Variants in SEC63 observed in about 807,000 individuals in gnomAD.
The protein encoded by SEC63 is SEC63 protein translocation regulator, also known as translocation protein SEC63 homolog.
Under a neutral mutation model 116.2 loss-of-function variants are expected in SEC63, and 56 were observed. The observed-to-expected ratio is 0.48, with a 90% CI of 0.39 to 0.60. SEC63 has a LOEUF of 0.60. Ranked by LOEUF, SEC63 falls within the 20% of genes least tolerant of loss-of-function variation. The pLI, the probability that SEC63 is intolerant of heterozygous loss-of-function variation, is 0.00. For synonymous variants in SEC63, 273 were observed against 294.6 expected (o/e 0.93, Z 0.75); for missense variants, 668 against 900.0 (o/e 0.74, Z 3.30).
At chr6:107,953,070 G>T (rs1770613005) in intron 1 of SEC63, among the ~76,000 whole-genome samples, 1 of 152,168 alleles carries the variant, frequency 6.6e-6, no homozygotes, top group African/African-American at 2.4e-5. Flanking sequence ...GACCAGCCTG[G>T]CCAACATGGT....
chr6:107,906,210 T>C (rs1787145094), intron 10 of SEC63, among the ~76,000 whole-genome samples: 1 of 152,218 alleles, frequency 6.6e-6, no homozygotes, highest in Admixed American at 6.5e-5. Flanking sequence ...TGCTCTGCCT[T>C]TGCCTGCTCT....
chr6:107,908,584 C>G (rs1241790416), intron 8 of SEC63, among the ~76,000 whole-genome samples: 2 of 152,054 alleles, frequency 1.3e-5, no homozygotes, highest in East Asian at 3.9e-4. Flanking sequence ...CACTCACTTA[C>G]GAGAACACAG....
In SEC63 at chr6:107,929,469, A is replaced by C. The variant is rs1351053749; in HGVS notation, c.170T>G (p.Met57Arg). ...TTTTAATAACCGTAAACGATACCAC[A>C]TACACCTTCCATATACTTTTCTGAT... Reference protein sequence around the residue: ...KNIRKVYGRCMWYRLRLLKPQ... With the variant: ...KNIRKVYGRCRWYRLRLLKPQ... Residue 57 changes from methionine to arginine, a missense_variant, in exon 2 of 21, where the codon ATG becomes AGG. Around this residue, in one of 5 missense-constraint regions of SEC63, gnomAD observed 142 missense variants for 169.5 expected, o/e 0.84. Coordinates refer to ENST00000369002, the MANE Select transcript of SEC63 (RefSeq NM_007214.5). 3 of 1,601,016 alleles carry C rather than the reference A, an allele frequency of 1.9e-6. No homozygotes were observed. In the African/African-American group the frequency reaches 4.0e-5, roughly 21 times the overall value.
intron 4 of SEC63, among the ~76,000 whole-genome samples, chr6:107,921,002 G>A (rs1787543568): frequency 6.6e-6 from 1 of 152,092 alleles, no homozygotes; most frequent in Non-Finnish European, 1.5e-5. Flanking sequence ...TCTGAGCAGT[G>A]AAAAAGGAGA....
chr6:107,945,593 C>T (rs1410868133), intron 1 of SEC63, among the ~76,000 whole-genome samples: 1 of 151,848 alleles, frequency 6.6e-6, no homozygotes, highest in Non-Finnish European at 1.5e-5. Context: ...CGTGAGCCAC[C>T]GAGCCCAGCC....
At chr6:107,911,039 A>G (rs1199103522) in intron 7 of SEC63, 5 of 340,366 alleles carry the variant, frequency 1.5e-5, no homozygotes, top group Non-Finnish European at 2.2e-5. Flanking sequence ...AATTGGGAGG[A>G]TATACACATC....
rs182711678 is a variant in SEC63 at position 107,883,243 on chromosome 6, T to G, written c.1675-97A>C. ...TAACTTATTGTCAATTTAACTAAAC[T>G]GACTCGATGACAATTTCACTATTCA... is the stretch of plus-strand genomic sequence containing the variant. On this transcript the variant is annotated intron_variant, in intron 16 of 20. Transcript: ENST00000369002. 9.8e-6 allele frequency: 14 copies of G among 1,429,498 alleles called. No homozygotes were observed. The Admixed American group carries it at 2.1e-4, about 21-fold the overall frequency. 88.6% of individuals were successfully genotyped at this position (1,429,498 alleles called of 1,614,324 possible). A position where few individuals can be genotyped will look rare whatever the true frequency, so the allele number is the denominator to read the frequency against.
chr6:107,896,501 G>A (rs1034398884), intron 14 of SEC63, among the ~76,000 whole-genome samples: 5 of 152,060 alleles, frequency 3.3e-5, no homozygotes, highest in Non-Finnish European at 5.9e-5. Flanking sequence ...TATGCAAAAT[G>A]ATTGGACTGG....
intron 8 of SEC63, 51 bp from the exon 9 acceptor site, chr6:107,906,828 T>C: frequency 1.5e-6 from 2 of 1,334,242 alleles, no homozygotes; most frequent in Non-Finnish European, 1.1e-6. Context: ...CATTCATTAA[T>C]TCCCCCTCCT....
Position 107,871,761 on chromosome 6 carries a change from A to G in SEC63, c.2226T>C (p.Ser742=), listed in dbSNP as rs768085603. 1.9e-6 allele frequency: 3 copies of G among 1,613,626 alleles called. No individual in the cohort carries two copies. Among genetic ancestry groups the G allele is most frequent in the South Asian group, 2.2e-5 (2 of 91,068 alleles). Residue 742 remains serine (S), a synonymous_variant, in exon 21 of 21, where the codon AGT becomes AGC. Transcript: ENST00000369002. The part of the protein sequence containing the change: ...AIEGDEDQED[S]EGFEDSFEEE... ...CCTCAAAGCTATCTTCAAAGCCCTC[A>G]CTGTCCTCCTGGTCTTCATCCCCCT...
chr6:107,929,895 G>A (rs1445091812), intron 1 of SEC63, among the ~76,000 whole-genome samples: 5 of 152,208 alleles, frequency 3.3e-5, no homozygotes, highest in African/African-American at 1.2e-4. Flanking sequence ...GGTTTATTAA[G>A]GAAGCTAAGC....
intron 2 of SEC63, among the ~76,000 whole-genome samples, chr6:107,927,475 A>G (rs1787701541): frequency 6.6e-6 from 1 of 152,248 alleles, no homozygotes; most frequent in Non-Finnish European, 1.5e-5. Context: ...ATGCTTCAAG[A>G]TTAAGTAGTA....
chr6:107,888,510 T>C (rs1232630662), intron 16 of SEC63, among the ~76,000 whole-genome samples: 1 of 152,226 alleles, frequency 6.6e-6, no homozygotes, highest in Non-Finnish European at 1.5e-5. Flanking sequence ...GATGGGGTTT[T>C]CTAAATATAT....
At chr6:107,876,457 A>C in intron 19 of SEC63, 107 bp downstream of exon 19, 1 of 770,938 alleles carries the variant, frequency 1.3e-6, no homozygotes, top group Non-Finnish European at 2.3e-6. Flanking sequence ...CGAATAGAAT[A>C]CAATATGCTA....
intron 16 of SEC63, 88 bp from the exon 17 acceptor site, chr6:107,883,234 T>C (rs1343818637): frequency 1.2e-5 from 18 of 1,509,142 alleles, no homozygotes; most frequent in Admixed American, 1.8e-5. Flanking sequence ...ATTGTCAATT[T>C]AACTAAACTG....
At chr6:107,887,180 G>C (rs1234510784) in intron 16 of SEC63, among the ~76,000 whole-genome samples, 3 of 151,648 alleles carry the variant, frequency 2.0e-5, no homozygotes, top group African/African-American at 7.3e-5. Flanking sequence ...CATTGTGGAA[G>C]TCAGTGTGGC....
chr6:107,897,756 A>G (rs745862414), intron 13 of SEC63, 25 bp from the exon 14 acceptor site: 4 of 1,491,396 alleles, frequency 2.7e-6, no homozygotes, highest in Non-Finnish European at 3.7e-6. Flanking sequence ...GAAAAAAAAC[A>G]GCAAAAAATA....
intron 1 of SEC63, among the ~76,000 whole-genome samples, chr6:107,935,077 G>A (rs1770176283): frequency 7.2e-6 from 1 of 139,686 alleles, no homozygotes; most frequent in Non-Finnish European, 1.6e-5. Context: ...GGGAAGTGAG[G>A]AGCCCCTCTG....
chr6:107,949,705 C>A (rs1281757497), intron 1 of SEC63, among the ~76,000 whole-genome samples: 1 of 152,198 alleles, frequency 6.6e-6, no homozygotes, highest in Non-Finnish European at 1.5e-5. Flanking sequence ...TCATAGCTCA[C>A]TGCAGCCTCG....
Sources: allele counts gnomAD v4.1 joint callset (sites outside exome capture counted in the v4.1 genomes callset), GRCh38; gene constraint gnomAD v4.1.1; regional missense constraint gnomAD v4.1.1; transcripts MANE v1.5; gene names NCBI Gene and HGNC (gene_info 2026-07-23, HGNC 2026-07-21).